Variants in IPO11 observed in about 807,000 individuals in gnomAD.
IPO11 encodes the protein importin-11.
Under a neutral mutation model 143.2 loss-of-function variants are expected in IPO11, and 66 were observed. The ratio of observed to expected loss-of-function variants is 0.46; its 90% CI spans 0.38 to 0.57. The LOEUF (loss-of-function observed/expected upper bound fraction) is 0.57. Ranked by LOEUF, IPO11 falls within the 20% of genes least tolerant of loss-of-function variation. The pLI is 0.00. For missense variants in IPO11, 1,026 were observed against 1,141.0 expected, an observed-to-expected ratio of 0.90 and a Z score of 1.45; for synonymous variants, 385 against 377.8, an observed-to-expected ratio of 1.02 and a Z score of -0.22.
intron 26 of IPO11, among the ~76,000 whole-genome samples, chr5:62,557,743 T>C (rs553901166): frequency 6.6e-6 from 1 of 152,320 alleles, no homozygotes; most frequent in East Asian, 1.9e-4. Flanking sequence ...GCTGTGTTCT[T>C]ATTCTGGATT....
At chr5:62,505,775 C>A (rs982051665) in intron 18 of IPO11, among the ~76,000 whole-genome samples, 6 of 151,906 alleles carry the variant, frequency 3.9e-5, no homozygotes, top group African/African-American at 1.5e-4. Context: ...ATATATATTT[C>A]CATGCAATAT....
rs70981008 is a variant in IPO11, at chr5:62,442,863, AAAAACAAAACAAAAC to A, written c.139-101_139-87del. 41 of 468,130 alleles carry A rather than the reference AAAAACAAAACAAAAC, an allele frequency of 8.8e-5. No homozygotes were observed. The Admixed American group carries it at 1.4e-3, about 16-fold the overall frequency. The allele number at this position is 468,130 out of a possible 1,614,324, so 29.0% of individuals were successfully genotyped here. A position where few individuals can be genotyped will look rare whatever the true frequency, so the allele number is the denominator to read the frequency against. ...TGGGCGACGAGAGTGAAACTGTCTC[AAAAACAAAACAAAAC>A]AAAACAAAACAAAACAAAGATCTGT... is the stretch of plus-strand genomic sequence containing the variant. On this transcript the variant is annotated intron_variant, in intron 2 of 29. Transcript: ENST00000325324.
rs139543040 is a variant in IPO11, at chr5:62,446,677, T to C, written c.240-3250T>C. ...TTGTCAAATATACGTATTACAAATA[T>C]CTTCTCCTAGGCCAGGTGCAGTGGC... On this transcript the variant is annotated intron_variant, in intron 3 of 29. Coordinates refer to ENST00000325324, the MANE Select transcript of IPO11 (RefSeq NM_016338.5). 2.8e-4 allele frequency among the ~76,000 whole-genome samples: 42 copies of C among 152,278 alleles called. 1 individual carries two copies. In the East Asian group the frequency reaches 7.9e-3, roughly 29 times the overall value.
At chr5:62,453,946 A>G (rs927227999) in intron 5 of IPO11, among the ~76,000 whole-genome samples, 6 of 151,914 alleles carry the variant, frequency 3.9e-5, no homozygotes, top group Non-Finnish European at 8.8e-5. Context: ...CATCCTGGCT[A>G]ATGGTGAAAC....
rs78631568 is a variant in IPO11 at position 62,611,826 on chromosome 5, T to G, written c.2763+9978T>G. 7.1e-3 allele frequency among the ~76,000 whole-genome samples: 1,081 copies of G among 152,276 alleles called. 14 individuals carry two copies. Among genetic ancestry groups the G allele is most frequent in the African/African-American group, 0.024 (1,016 of 41,564 alleles). On this transcript the variant is annotated intron_variant, in intron 29 of 29. Transcript: ENST00000325324. ...CTTCATGGCAGTTTTTCCTATTTCC[T>G]GTTTTTCTCTTCTGCTTCTTTTTCT... is the stretch of plus-strand genomic sequence containing the variant.
At chr5:62,488,071 T>C (rs982416048) in intron 13 of IPO11, among the ~76,000 whole-genome samples, 1 of 152,226 alleles carries the variant, frequency 6.6e-6, no homozygotes. Context: ...TAAATTTTCC[T>C]GTAGTAAATA....
At chr5:62,609,486 A>G (rs923234334) in intron 29 of IPO11, among the ~76,000 whole-genome samples, 1 of 152,266 alleles carries the variant, frequency 6.6e-6, no homozygotes, top group Admixed American at 6.5e-5. Context: ...AACAGCATGT[A>G]TGATGTATAT....
chr5:62,507,254 T>C (rs910778545), intron 19 of IPO11, among the ~76,000 whole-genome samples: 1 of 152,218 alleles, frequency 6.6e-6, no homozygotes, highest in Non-Finnish European at 1.5e-5. Flanking sequence ...TTAAGCATAA[T>C]GCGACTCCCG....
At chr5:62,600,755 T>A (rs1454543131) in intron 28 of IPO11, among the ~76,000 whole-genome samples, 3 of 152,212 alleles carry the variant, frequency 2.0e-5, no homozygotes, top group South Asian at 2.1e-4. Flanking sequence ...ATTGAGTTCC[T>A]GCCGTTTTTC....
chr5:62,611,984 T>C (rs769533791), intron 29 of IPO11, among the ~76,000 whole-genome samples: 1 of 152,180 alleles, frequency 6.6e-6, no homozygotes, highest in Non-Finnish European at 1.5e-5. Flanking sequence ...TTTTTCATTA[T>C]AAAAGTAACC....
chr5:62,437,521 G>C (rs153857), intron 2 of IPO11, 104 bp downstream of exon 2: 1 of 932,354 alleles, frequency 1.1e-6, no homozygotes, highest in Non-Finnish European at 1.6e-6. Flanking sequence ...AATAGATTCA[G>C]ATGTTTGGCT....
intron 28 of IPO11, among the ~76,000 whole-genome samples, chr5:62,600,237 G>T (rs933527681): frequency 3.9e-5 from 6 of 152,022 alleles, no homozygotes; most frequent in Admixed American, 2.0e-4. Context: ...GTAAACAAGG[G>T]GCTTCACCAT....
At chr5:62,489,655 A>G (rs186437226) in intron 14 of IPO11, among the ~76,000 whole-genome samples, 28 of 152,286 alleles carry the variant, frequency 1.8e-4, no homozygotes, top group African/African-American at 6.0e-4. Flanking sequence ...GGTGATGGAA[A>G]GAGGGTGTTG....
In IPO11 at chr5:62,446,350, C is replaced by T. The variant is rs142765252; in HGVS notation, c.239+3267C>T. Among the ~76,000 whole-genome samples, 122 of 152,284 alleles carry T rather than the reference C, an allele frequency of 8.0e-4. 1 individual carries two copies. The highest frequency in any genetic ancestry group is 2.7e-3 in the African/African-American group (112 of 41,556). ...TATTTATAGTCACATGTGTGTTCAACTTTAGTAGATATTGTTAATTAATTT... is the reference window on the plus strand; with the variant it reads ...TATTTATAGTCACATGTGTGTTCAATTTTAGTAGATATTGTTAATTAATTT... On this transcript the variant is annotated intron_variant, in intron 3 of 29. Transcript: ENST00000325324.
intron 4 of IPO11, among the ~76,000 whole-genome samples, chr5:62,451,161 T>C (rs763492892): frequency 1.3e-5 from 2 of 152,208 alleles, no homozygotes; most frequent in Non-Finnish European, 2.9e-5. Context: ...CGTTTCTTTC[T>C]ACTTTTAGGT....
chr5:62,537,218 G>A lies in IPO11; in HGVS notation c.2179G>A (p.Val727Ile), dbSNP rs1742764703. Residue 727 changes from valine to isoleucine, a missense_variant, in exon 24 of 30, where the codon GTA becomes ATA. Coordinates refer to ENST00000325324, the MANE Select transcript of IPO11 (RefSeq NM_016338.5). ...SSTEFLQTYA[V>I]GLCQSFCELL... is the part of the protein sequence containing the mutation. ...TTTAATTGAATTTCAGACATACGCAGTAGGTCTATGCCAGTCCTTTTGTGA... is the reference window on the plus strand; with the variant it reads ...TTTAATTGAATTTCAGACATACGCAATAGGTCTATGCCAGTCCTTTTGTGA... 1.3e-6 allele frequency: 2 copies of A among 1,594,216 alleles called. No homozygotes were observed. Among genetic ancestry groups the A allele is most frequent in the East Asian group, 4.5e-5 (2 of 44,640 alleles).
chr5:62,589,812 C>A (rs1331070414), intron 27 of IPO11, among the ~76,000 whole-genome samples: 2 of 152,042 alleles, frequency 1.3e-5, no homozygotes, highest in Non-Finnish European at 2.9e-5. Flanking sequence ...AAGTGTGGCC[C>A]CTAGATTCAA....
At chr5:62,550,605 T>C in intron 25 of IPO11, 143 bp downstream of exon 25, 1 of 543,330 alleles carries the variant, frequency 1.8e-6, no homozygotes, top group Non-Finnish European at 3.1e-6. Flanking sequence ...GTTAGACACC[T>C]TTGCCTTTTC....
At chr5:62,443,700 G>C (rs1318738792) in intron 3 of IPO11, among the ~76,000 whole-genome samples, 4 of 151,928 alleles carry the variant, frequency 2.6e-5, no homozygotes, top group Non-Finnish European at 4.4e-5. Flanking sequence ...GTTAATTTCT[G>C]AGTCTTATGC....
Sources: allele counts gnomAD v4.1 joint callset (sites outside exome capture counted in the v4.1 genomes callset), GRCh38; gene constraint gnomAD v4.1.1; transcripts MANE v1.5; gene names NCBI Gene and HGNC (gene_info 2026-07-23, HGNC 2026-07-21).